Variants in PRKD1 observed in about 807,000 individuals in gnomAD.
PRKD1 encodes serine/threonine-protein kinase D1.
Under a neutral mutation model 95.9 loss-of-function variants are expected in PRKD1, and 63 were observed. The observed-to-expected ratio is 0.66, with a 90% CI of 0.54 to 0.81. PRKD1 has a LOEUF of 0.81. PRKD1 is among the 30% of genes least tolerant of loss of function. The pLI is 0.00. For synonymous variants in PRKD1, 425 were observed against 423.1 expected, an observed-to-expected ratio of 1.00 and a Z score of -0.05; for missense variants, 1,048 against 1,165.3, an observed-to-expected ratio of 0.90 and a Z score of 1.47.
intron 1 of PRKD1, among the ~76,000 whole-genome samples, chr14:29,810,386 G>A (rs1240805213): frequency 2.6e-5 from 4 of 152,134 alleles, no homozygotes; most frequent in East Asian, 1.9e-4. Flanking sequence ...TGTATTCTTC[G>A]CTGTCACCTC....
At position 29,927,449 on chromosome 14, in the gene PRKD1, C is replaced by A; in HGVS notation, c.64G>T (p.Ala22Ser). Residue 22 changes from alanine (A) to serine (S), a missense_variant, in exon 1 of 18, where the codon GCA becomes TCA. Coordinates refer to ENST00000331968, the MANE Select transcript of PRKD1 (RefSeq NM_002742.3). ...CCTGGGACCAGTGCGGCGGCCGCTG[C>A]GGCAGCTGCCGCCGCCACGGGCAGC... ...PLLPVAAAAA[A>S]AAAALVPGSG... 4 of 1,312,546 alleles carry A rather than the reference C, an allele frequency of 3.0e-6. No homozygotes were observed. The highest frequency in any genetic ancestry group is 3.9e-6 in the Non-Finnish European group (4 of 1,034,716). 81.3% of individuals were successfully genotyped at this position (1,312,546 alleles called of 1,614,324 possible).
intron 1 of PRKD1, among the ~76,000 whole-genome samples, chr14:29,798,500 C>CA (rs1889903931): frequency 6.6e-6 from 1 of 152,116 alleles, no homozygotes. Flanking sequence ...TTTCAAGCAG[C>CA]AATAGGCTAA....
chr14:29,656,548 A>G lies in PRKD1; in HGVS notation c.696+7151T>C. 3 of 1,511,966 alleles carry G rather than the reference A, an allele frequency of 2.0e-6. No homozygotes were observed. In the South Asian group the frequency reaches 3.6e-5, roughly 18 times the overall value. The allele number at this position is 1,511,966 out of a possible 1,614,324, so 93.7% of individuals were successfully genotyped here. A position where few individuals can be genotyped will look rare whatever the true frequency, so the allele number is the denominator to read the frequency against. ...AAAAAGCAGGCAAAGGTGCAGAATC[A>G]AAGGAGAAAAAGACAGGAAAACAAC... is the stretch of plus-strand genomic sequence containing the variant. On this transcript the variant is annotated intron_variant, in intron 4 of 17. Transcript: ENST00000331968.
intron 2 of PRKD1, among the ~76,000 whole-genome samples, chr14:29,706,199 T>C (rs960691206): frequency 2.0e-5 from 3 of 152,164 alleles, no homozygotes; most frequent in Non-Finnish European, 4.4e-5. Context: ...TGACGAATGA[T>C]GCTGAGCACC....
chr14:29,884,361 A>C (rs954606976), intron 1 of PRKD1, among the ~76,000 whole-genome samples: 7 of 152,208 alleles, frequency 4.6e-5, no homozygotes, highest in African/African-American at 1.7e-4. Context: ...ATGTATACTA[A>C]TGTATTAATA....
chr14:29,788,081 T>G lies in PRKD1; in HGVS notation c.265-62407A>C, dbSNP rs10130545. 4.9e-3 allele frequency among the ~76,000 whole-genome samples: 746 copies of G among 152,304 alleles called. 6 individuals carry two copies. Among genetic ancestry groups the G allele is most frequent in the African/African-American group, 0.015 (636 of 41,580 alleles). On this transcript the variant is annotated intron_variant, in intron 1 of 17. Transcript: ENST00000331968. ...TTTTGCTTCCAGATATAGGACTACC[T>G]TAGTATTTCTTGCAGAGCTGGTCTA...
intron 1 of PRKD1, among the ~76,000 whole-genome samples, chr14:29,839,782 G>T: frequency 6.6e-6 from 1 of 152,058 alleles, no homozygotes; most frequent in East Asian, 1.9e-4. Flanking sequence ...AAGGCTTGAG[G>T]CTTGCACCCT....
intron 4 of PRKD1, among the ~76,000 whole-genome samples, chr14:29,646,520 G>A (rs970650887): frequency 1.4e-5 from 2 of 143,928 alleles, no homozygotes; most frequent in Non-Finnish European, 3.0e-5. Flanking sequence ...TGCCTACTAT[G>A]TACTCACAAA....
intron 14 of PRKD1, 130 bp from the exon 15 acceptor site, chr14:29,599,255 A>C (rs1190530632): frequency 8.2e-6 from 6 of 735,462 alleles, no homozygotes; most frequent in Non-Finnish European, 1.3e-5. Flanking sequence ...CACTGAAATG[A>C]GCTAGATTAA....
chr14:29,858,077 A>C (rs1594581826), intron 1 of PRKD1, among the ~76,000 whole-genome samples: 1 of 152,342 alleles, frequency 6.6e-6, no homozygotes, highest in South Asian at 2.1e-4. Flanking sequence ...CACTTACATA[A>C]GTCACTGAAA....
At chr14:29,745,470 T>C (rs1268769038) in intron 1 of PRKD1, among the ~76,000 whole-genome samples, 1 of 152,074 alleles carries the variant, frequency 6.6e-6, no homozygotes, top group Non-Finnish European at 1.5e-5. Context: ...TAGTTAATCA[T>C]TATTGTTATT....
intron 1 of PRKD1, among the ~76,000 whole-genome samples, chr14:29,786,941 T>C (rs1159193219): frequency 3.3e-5 from 5 of 152,104 alleles, no homozygotes; most frequent in Admixed American, 3.3e-4. Flanking sequence ...TTTGAAACTT[T>C]TTACTTTTTC....
intron 1 of PRKD1, among the ~76,000 whole-genome samples, chr14:29,918,848 G>A (rs1019830539): frequency 4.6e-5 from 7 of 152,156 alleles, no homozygotes; most frequent in Non-Finnish European, 1.0e-4. Context: ...CAGGTTGAGA[G>A]AATCACCTAA....
intron 2 of PRKD1, among the ~76,000 whole-genome samples, chr14:29,673,599 C>A (rs1331364861): frequency 6.6e-6 from 1 of 152,248 alleles, no homozygotes; most frequent in Non-Finnish European, 1.5e-5. Context: ...TAACATTACA[C>A]ACTGCAAGAC....
intron 2 of PRKD1, among the ~76,000 whole-genome samples, chr14:29,694,320 CTATT>C (rs1466575848): frequency 6.6e-6 from 1 of 152,158 alleles, no homozygotes; most frequent in African/African-American, 2.4e-5. Context: ...ACTAAACCCA[CTATT>C]TATTTGTCAC....
chr14:29,676,853 C>T (rs975246367), intron 2 of PRKD1, among the ~76,000 whole-genome samples: 7 of 152,190 alleles, frequency 4.6e-5, no homozygotes, highest in African/African-American at 1.4e-4. Context: ...TTATGAGACC[C>T]TCTAGAGCTC....
chr14:29,826,017 C>T (rs1396472283), intron 1 of PRKD1, among the ~76,000 whole-genome samples: 1 of 151,650 alleles, frequency 6.6e-6, no homozygotes, highest in Non-Finnish European at 1.5e-5. Flanking sequence ...CTGGTACATG[C>T]ATGTTTATAG....
At position 29,765,329 on chromosome 14, in the gene PRKD1, T is replaced by C. The variant is rs181391649; in HGVS notation, c.265-39655A>G. 3.3e-5 allele frequency among the ~76,000 whole-genome samples: 5 copies of C among 152,140 alleles called. No homozygotes were observed. The East Asian group carries it at 5.8e-4, about 18-fold the overall frequency. ...GATTAATAATCAGGGAAATACAAAA[T>C]AAAACTACAATTAATGAACACACCC... On this transcript the variant is annotated intron_variant, in intron 1 of 17. Transcript: ENST00000331968.
chr14:29,843,759 C>A (rs758207855), intron 1 of PRKD1, among the ~76,000 whole-genome samples: 28 of 151,880 alleles, frequency 1.8e-4, no homozygotes, highest in Non-Finnish European at 3.1e-4. Flanking sequence ...AATGAATAGA[C>A]CTAATAATAA....
Sources: allele counts gnomAD v4.1 joint callset (sites outside exome capture counted in the v4.1 genomes callset), GRCh38; gene constraint gnomAD v4.1.1; transcripts MANE v1.5; gene names NCBI Gene and HGNC (gene_info 2026-07-23, HGNC 2026-07-21).